The following OPCML variants were observed in gnomAD, a reference collection of about 807,000 sequenced individuals.
OPCML encodes the protein opioid-binding protein/cell adhesion molecule.
OPCML carries 13 observed loss-of-function variants against 37.8 expected under a neutral mutation model. That is an observed-to-expected ratio of 0.34 (90% confidence interval 0.22 to 0.55). OPCML has a LOEUF of 0.55. Among genes scored for constraint, OPCML ranks in the 20% least tolerant of loss-of-function variants. OPCML has a pLI of 0.91. For synonymous variants in OPCML, 176 were observed against 168.8 expected (o/e 1.04, Z -0.33); for missense variants, 341 against 435.6 (o/e 0.78, Z 1.93).
chr11:132,757,126 G>C (rs1014073872), intron 2 of OPCML, among the ~76,000 whole-genome samples: 1 of 152,152 alleles, frequency 6.6e-6, no homozygotes, highest in African/African-American at 2.4e-5. Context: ...CAAAGGACAT[G>C]AACTCATCCT....
chr11:132,839,279 C>T (rs1050356404), intron 2 of OPCML, among the ~76,000 whole-genome samples: 2 of 152,132 alleles, frequency 1.3e-5, no homozygotes, highest in African/African-American at 4.8e-5. Context: ...GCCCCACTCA[C>T]GGGCTGCATG....
intron 4 of OPCML, among the ~76,000 whole-genome samples, chr11:132,479,536 G>A (rs1163346187): frequency 1.3e-5 from 2 of 152,212 alleles, no homozygotes; most frequent in South Asian, 2.1e-4. Context: ...GCTCAAGGAG[G>A]CCTGCCTGCC....
intron 1 of OPCML, among the ~76,000 whole-genome samples, chr11:133,503,802 G>A (rs1469677381): frequency 6.6e-6 from 1 of 152,160 alleles, no homozygotes; most frequent in Non-Finnish European, 1.5e-5. Context: ...CCTGGGCACT[G>A]AAGAAAAGAC....
At chr11:132,592,291 T>C (rs1237504882) in intron 3 of OPCML, among the ~76,000 whole-genome samples, 1 of 152,150 alleles carries the variant, frequency 6.6e-6, no homozygotes, top group African/African-American at 2.4e-5. Flanking sequence ...GATGGACCAG[T>C]TCATTGCTGT....
intron 1 of OPCML, among the ~76,000 whole-genome samples, chr11:133,386,837 A>C (rs1945065837): frequency 1.3e-5 from 2 of 152,168 alleles, no homozygotes; most frequent in South Asian, 4.1e-4. Flanking sequence ...GTCCAGCCCC[A>C]CACGGCAGCA....
chr11:133,221,040 C>T (rs999264850), intron 1 of OPCML, among the ~76,000 whole-genome samples: 14 of 152,178 alleles, frequency 9.2e-5, no homozygotes, highest in African/African-American at 1.4e-4. Flanking sequence ...ACCCGCTTTC[C>T]GTTTTTAGAT....
At chr11:132,467,612 G>T (rs867623255) in intron 4 of OPCML, among the ~76,000 whole-genome samples, 1 of 152,144 alleles carries the variant, frequency 6.6e-6, no homozygotes, top group Admixed American at 6.5e-5. Flanking sequence ...TAAAAGGCTG[G>T]CACACCAACG....
intron 2 of OPCML, among the ~76,000 whole-genome samples, chr11:132,925,766 G>A (rs1221539298): frequency 5.3e-5 from 8 of 152,048 alleles, no homozygotes; most frequent in Admixed American, 5.2e-4. Flanking sequence ...ATTCTCTGAC[G>A]GATCTGAGAA....
intron 1 of OPCML, among the ~76,000 whole-genome samples, chr11:133,443,265 C>T: frequency 6.6e-6 from 1 of 152,220 alleles, no homozygotes; most frequent in East Asian, 1.9e-4. Context: ...GAAAGCTTCA[C>T]AGCACCTTTC....
At chr11:133,087,835 G>A (rs1326529319) in intron 1 of OPCML, among the ~76,000 whole-genome samples, 1 of 152,148 alleles carries the variant, frequency 6.6e-6, no homozygotes, top group Admixed American at 6.5e-5. Flanking sequence ...GCAGTCATAG[G>A]ATCACACTAC....
chr11:133,416,016 C>G (rs1379597775), intron 1 of OPCML, among the ~76,000 whole-genome samples: 3 of 152,160 alleles, frequency 2.0e-5, no homozygotes, highest in South Asian at 2.1e-4. Flanking sequence ...GAAACACAGG[C>G]CTATCAATAT....
chr11:132,767,875 A>T (rs1357399459), intron 2 of OPCML, among the ~76,000 whole-genome samples: 1 of 152,202 alleles, frequency 6.6e-6, no homozygotes, highest in East Asian at 1.9e-4. Context: ...GATGGGGAGA[A>T]ATCATAGAGT....
chr11:132,999,749 T>G (rs923784688), intron 1 of OPCML, among the ~76,000 whole-genome samples: 2 of 152,074 alleles, frequency 1.3e-5, no homozygotes, highest in African/African-American at 4.8e-5. Context: ...AGCTGGAGTC[T>G]CTCCAAAAGA....
At chr11:132,900,002 C>T (rs751815260) in intron 2 of OPCML, among the ~76,000 whole-genome samples, 7 of 152,062 alleles carry the variant, frequency 4.6e-5, no homozygotes, top group Admixed American at 6.6e-5. Context: ...CATATGTAGA[C>T]GGCTGTCACG....
rs2095938411 is a variant in OPCML, at chr11:132,416,323, A to G, written c.*3870T>C. On this transcript the variant is annotated 3_prime_UTR_variant, in exon 8 of 8. Coordinates refer to ENST00000524381, the MANE Select transcript of OPCML (RefSeq NM_001012393.5). Reference sequence around the variant, plus strand: ...ACCAGATCTTACCTCATCTTAAGCCATTCCTCCCCTCCTACCATGGGCTGG... The same window carrying G: ...ACCAGATCTTACCTCATCTTAAGCCGTTCCTCCCCTCCTACCATGGGCTGG... 6.6e-6 allele frequency: 1 copy of G among 152,120 alleles called. No homozygotes were observed. Among genetic ancestry groups the G allele is most frequent in the African/African-American group, 2.4e-5 (1 of 41,428 alleles). 9.4% of individuals were successfully genotyped at this position (152,120 alleles called of 1,614,324 possible).
At chr11:132,675,730 T>TA (rs1218334770) in intron 2 of OPCML, among the ~76,000 whole-genome samples, 6 of 152,180 alleles carry the variant, frequency 3.9e-5, no homozygotes, top group Non-Finnish European at 7.4e-5. Context: ...AACTACTTTT[T>TA]ACAAAAGAAT....
chr11:132,682,901 G>A (rs1201752349), intron 2 of OPCML, among the ~76,000 whole-genome samples: 2 of 152,194 alleles, frequency 1.3e-5, no homozygotes, highest in East Asian at 1.9e-4. Flanking sequence ...TCACCAGCAG[G>A]TGCCTTCTTC....
rs1939179240 is a variant in OPCML at position 133,208,020 on chromosome 11, A to C, written c.62-265010T>G. ...CTACGCTTTGTAATTAAGAACTCAA[A>C]CTGCATTTAACCACCCTAGGCAAGG... On this transcript the variant is annotated intron_variant, in intron 1 of 7. Coordinates refer to ENST00000524381, the MANE Select transcript of OPCML (RefSeq NM_001012393.5). The surrounding 1 kb of genome is among the most constrained non-coding windows in gnomAD (Gnocchi z 8.9). 6.6e-6 allele frequency among the ~76,000 whole-genome samples: 1 copy of C among 152,020 alleles called. No individual in the cohort carries two copies.
chr11:132,467,092 G>A (rs1236673102), intron 4 of OPCML, among the ~76,000 whole-genome samples: 1 of 152,146 alleles, frequency 6.6e-6, no homozygotes. Context: ...TCATTACCTG[G>A]CCTGAGATAC....
Sources: allele counts gnomAD v4.1 joint callset (sites outside exome capture counted in the v4.1 genomes callset), GRCh38; gene constraint gnomAD v4.1.1; non-coding constraint Gnocchi (gnomAD v3.1); transcripts MANE v1.5; gene names NCBI Gene and HGNC (gene_info 2026-07-23, HGNC 2026-07-21).